TIAM1: variants seen among roughly 807,000 people sequenced by gnomAD.
The protein encoded by TIAM1 is rho guanine nucleotide exchange factor TIAM1.
A neutral mutation model predicts 163.5 loss-of-function variants in TIAM1; 65 were observed. That is an observed-to-expected ratio of 0.40 (90% CI 0.33 to 0.49). The LOEUF (loss-of-function observed/expected upper bound fraction) is 0.49, where lower values mean the gene tolerates loss of function less well. TIAM1 is among the 20% of genes least tolerant of loss of function. TIAM1 has a pLI of 0.77. For synonymous variants in TIAM1, 833 were observed against 810.1 expected (o/e 1.03, Z -0.48); for missense variants, 1,789 against 2,044.7 (o/e 0.87, Z 2.41).
chr21:31,548,635 G>C (rs1448153369), intron 1 of TIAM1, among the ~76,000 whole-genome samples: 1 of 151,436 alleles, frequency 6.6e-6, no homozygotes, highest in Non-Finnish European at 1.5e-5. Flanking sequence ...CTACAGGCAT[G>C]CACCACCATG....
chr21:31,223,635 G>T, intron 7 of TIAM1, 44 bp from the exon 8 acceptor site: 1 of 1,550,670 alleles, frequency 6.4e-7, no homozygotes, highest in Non-Finnish European at 8.7e-7. Flanking sequence ...GAGAAAATGG[G>T]AAACAAATGC....
At chr21:31,170,930 G>A (rs2084475613) in intron 15 of TIAM1, among the ~76,000 whole-genome samples, 1 of 151,360 alleles carries the variant, frequency 6.6e-6, no homozygotes, top group Non-Finnish European at 1.5e-5. Flanking sequence ...CAGCTACTCA[G>A]GAGGCTGAGG....
At chr21:31,374,570 T>C (rs112074388) in intron 2 of TIAM1, among the ~76,000 whole-genome samples, 65 of 152,278 alleles carry the variant, frequency 4.3e-4, no homozygotes, top group African/African-American at 1.3e-3. Flanking sequence ...AAGGAAGAGA[T>C]GGACAGGAAC....
At position 31,501,823 on chromosome 21, in the gene TIAM1, G is replaced by A. The variant is rs539645232; in HGVS notation, c.-421-37788C>T. ...TCACCATGTTGGCCAGGCTGGTCTC[G>A]AACTCCTGACCTCAGGTGATCTGTC... is the stretch of plus-strand genomic sequence containing the variant. On this transcript the variant is annotated intron_variant, in intron 1 of 28. Coordinates refer to the TIAM1 transcript ENST00000286827. 5.3e-4 allele frequency among the ~76,000 whole-genome samples: 81 copies of A among 152,228 alleles called. 2 individuals carry two copies. Among genetic ancestry groups the A allele is most frequent in the South Asian group, 1.0e-3 (5 of 4,822 alleles).
intron 2 of TIAM1, among the ~76,000 whole-genome samples, chr21:31,438,179 C>CTTTTTTTTTTTTTTTTTTTTTTTTT (rs34844399): frequency 6.4e-5 from 4 of 62,718 alleles, no homozygotes; most frequent in African/African-American, 2.8e-4. Context: ...TATTTGTGAT[C>CTTTTTTTTTTTTTTTTTTTTTTTTT]TTTTTTTTTT....
chr21:31,218,663 T>C (rs1008574114), intron 8 of TIAM1, among the ~76,000 whole-genome samples: 2 of 152,104 alleles, frequency 1.3e-5, no homozygotes, highest in African/African-American at 4.8e-5. Flanking sequence ...AGGGCATGGA[T>C]TGGGCTTAAG....
At chr21:31,233,160 CT>C (rs2088535184) in intron 6 of TIAM1, among the ~76,000 whole-genome samples, 1 of 151,904 alleles carries the variant, frequency 6.6e-6, no homozygotes, top group Non-Finnish European at 1.5e-5. Flanking sequence ...ACGAGAAATA[CT>C]AGGGAATATA....
intron 2 of TIAM1, among the ~76,000 whole-genome samples, chr21:31,439,966 G>A (rs138112578): frequency 1.2e-3 from 187 of 152,268 alleles, no homozygotes; most frequent in African/African-American, 4.3e-3. Context: ...GCTTCCGATT[G>A]TCAATAGGGT....
At chr21:31,331,545 C>T (rs1379282181) in intron 2 of TIAM1, among the ~76,000 whole-genome samples, 5 of 152,252 alleles carry the variant, frequency 3.3e-5, no homozygotes, top group Non-Finnish European at 7.3e-5. Flanking sequence ...CCCTACCACA[C>T]TCCTGAGGAC....
chr21:31,548,295 C>T (rs2048566229), intron 1 of TIAM1, among the ~76,000 whole-genome samples: 1 of 151,752 alleles, frequency 6.6e-6, no homozygotes, highest in African/African-American at 2.4e-5. Context: ...GTGTGTGCCA[C>T]CACACCCAGC....
At chr21:31,326,676 G>A (rs1053928994) in intron 2 of TIAM1, among the ~76,000 whole-genome samples, 3 of 152,118 alleles carry the variant, frequency 2.0e-5, no homozygotes, top group African/African-American at 7.2e-5. Context: ...GGTAATACTC[G>A]GGAAGTATTT....
intron 1 of TIAM1, among the ~76,000 whole-genome samples, chr21:31,478,189 T>C (rs529109186): frequency 9.2e-5 from 14 of 152,352 alleles, no homozygotes; most frequent in Admixed American, 7.8e-4. Flanking sequence ...CTAGGATTAC[T>C]ACATAACAAT....
At chr21:31,184,305 C>A (rs1306289803) in intron 14 of TIAM1, among the ~76,000 whole-genome samples, 2 of 152,126 alleles carry the variant, frequency 1.3e-5, no homozygotes, top group Non-Finnish European at 2.9e-5. Context: ...AGGGTTTCAC[C>A]ATGTTAGCCA....
chr21:31,330,818 CTCTT>C (rs1258297210), intron 2 of TIAM1, among the ~76,000 whole-genome samples: 3 of 152,092 alleles, frequency 2.0e-5, no homozygotes, highest in Admixed American at 1.3e-4. Flanking sequence ...AAGAAAGTCC[CTCTT>C]TCTAAGAACA....
chr21:31,389,595 T>C (rs1278733050), intron 2 of TIAM1, among the ~76,000 whole-genome samples: 1 of 152,238 alleles, frequency 6.6e-6, no homozygotes, highest in East Asian at 1.9e-4. Flanking sequence ...AGCCACATGC[T>C]ACAACACACT....
At chr21:31,339,031 C>G (rs1179922718) in intron 2 of TIAM1, among the ~76,000 whole-genome samples, 1 of 152,128 alleles carries the variant, frequency 6.6e-6, no homozygotes, top group Non-Finnish European at 1.5e-5. Flanking sequence ...GGGAACCACC[C>G]AGGAAGAATG....
At chr21:31,382,814 G>A (rs367868716) in intron 2 of TIAM1, among the ~76,000 whole-genome samples, 1 of 152,182 alleles carries the variant, frequency 6.6e-6, no homozygotes, top group African/African-American at 2.4e-5. Context: ...AACGACCCAT[G>A]TGTCATTATT....
At chr21:31,162,598 A>G (rs759267250) in intron 16 of TIAM1, among the ~76,000 whole-genome samples, 6 of 152,010 alleles carry the variant, frequency 3.9e-5, no homozygotes, top group Non-Finnish European at 8.8e-5. Flanking sequence ...AGTCTACTGC[A>G]TGATCTTTAA....
At chr21:31,238,618 C>T (rs2071013560) in intron 6 of TIAM1, among the ~76,000 whole-genome samples, 1 of 152,074 alleles carries the variant, frequency 6.6e-6, no homozygotes, top group South Asian at 2.1e-4. Context: ...TTCTGAAATC[C>T]ATCTGAGAAT....
Sources: allele counts gnomAD v4.1 joint callset (sites outside exome capture counted in the v4.1 genomes callset), GRCh38; gene constraint gnomAD v4.1.1; transcripts MANE v1.5; gene names NCBI Gene and HGNC (gene_info 2026-07-23, HGNC 2026-07-21).